The following UBR3 variants were observed in gnomAD, a reference collection of about 807,000 sequenced individuals.
UBR3 encodes the protein E3 ubiquitin-protein ligase UBR3.
Under a neutral mutation model 243.2 loss-of-function variants are expected in UBR3, and 85 were observed. The ratio of observed to expected loss-of-function variants is 0.35; its 90% confidence interval spans 0.29 to 0.42. UBR3 has a LOEUF of 0.42. UBR3 is among the 10% of genes least tolerant of loss of function. The pLI is 1.00. For synonymous variants in UBR3, 748 were observed against 799.8 expected, an observed-to-expected ratio of 0.94 and a Z score of 1.09; for missense variants, 1,686 against 2,300.8, an observed-to-expected ratio of 0.73 and a Z score of 5.47.
chr2:169,984,866 T>C (rs1350287803), intron 24 of UBR3, among the ~76,000 whole-genome samples: 1 of 152,190 alleles, frequency 6.6e-6, no homozygotes, highest in Non-Finnish European at 1.5e-5. Context: ...ACCTATTTTA[T>C]TTTCATGCCA....
intron 1 of UBR3, among the ~76,000 whole-genome samples, chr2:169,834,837 A>G (rs927382404): frequency 1.3e-5 from 2 of 152,264 alleles, no homozygotes; most frequent in African/African-American, 4.8e-5. Context: ...CTTAAAAAGT[A>G]ATAAAATTCT....
chr2:170,078,521 A>G (rs1206059755), intron 36 of UBR3, among the ~76,000 whole-genome samples: 1 of 152,242 alleles, frequency 6.6e-6, no homozygotes, highest in Non-Finnish European at 1.5e-5. Context: ...TTTAGAGCAT[A>G]CACATTCTGT....
intron 2 of UBR3, among the ~76,000 whole-genome samples, chr2:169,875,327 C>A (rs1222320247): frequency 6.6e-6 from 1 of 151,976 alleles, no homozygotes; most frequent in Non-Finnish European, 1.5e-5. Flanking sequence ...TCAAATGCTG[C>A]TGCTTCTTTT....
At chr2:169,890,550 T>TATAC (rs2084306419) in intron 5 of UBR3, among the ~76,000 whole-genome samples, 3 of 23,402 alleles carry the variant, frequency 1.3e-4, no homozygotes, top group Non-Finnish European at 4.7e-4. Context: ...GATATATATA[T>TATAC]ATATATATAT....
intron 1 of UBR3, among the ~76,000 whole-genome samples, chr2:169,870,473 T>C (rs1214625464): frequency 6.6e-6 from 1 of 151,950 alleles, no homozygotes; most frequent in African/African-American, 2.4e-5. Flanking sequence ...GAATTTTAAT[T>C]AAAATAATTT....
chr2:170,052,389 C>T (rs1473529453), intron 32 of UBR3, among the ~76,000 whole-genome samples: 2 of 152,164 alleles, frequency 1.3e-5, no homozygotes, highest in African/African-American at 4.8e-5. Flanking sequence ...AAAGAGACAT[C>T]TGCACTCCAC....
At chr2:170,027,769 C>T (rs1006246470) in intron 30 of UBR3, among the ~76,000 whole-genome samples, 1 of 151,816 alleles carries the variant, frequency 6.6e-6, no homozygotes, top group Non-Finnish European at 1.5e-5. Context: ...AAATTATATG[C>T]TTAGTAGTCT....
At chr2:170,047,631 G>T (rs536010345) in intron 32 of UBR3, among the ~76,000 whole-genome samples, 4 of 152,186 alleles carry the variant, frequency 2.6e-5, no homozygotes, top group African/African-American at 9.7e-5. Flanking sequence ...GAAGCCATAC[G>T]TGATGTACAG....
In UBR3 at chr2:169,904,147, G is replaced by A. The variant is rs2084928924; in HGVS notation, c.1466-967G>A. Among the ~76,000 whole-genome samples, 3 of 151,774 alleles carry A rather than the reference G, an allele frequency of 2.0e-5. No homozygotes were observed. The South Asian group carries it at 6.2e-4, about 32-fold the overall frequency. On this transcript the variant is annotated intron_variant, in intron 8 of 38. Coordinates refer to ENST00000272793, the MANE Select transcript of UBR3 (RefSeq NM_172070.4). ...TTTTTAGCTTTTTTTCCTGGCACTT[G>A]TTTTTATTTTATTGTCTCTCAAAAG...
intron 29 of UBR3, 153 bp from the exon 30 acceptor site, chr2:170,015,128 T>C: frequency 1.8e-6 from 1 of 555,186 alleles, no homozygotes; most frequent in Non-Finnish European, 3.2e-6. Flanking sequence ...AAATATCAGA[T>C]AAATATGATT....
intron 31 of UBR3, among the ~76,000 whole-genome samples, chr2:170,030,094 A>G (rs1467841425): frequency 2.0e-5 from 3 of 152,074 alleles, no homozygotes; most frequent in South Asian, 2.1e-4. Flanking sequence ...GATTTTATAT[A>G]TATTTGATGT....
intron 1 of UBR3, among the ~76,000 whole-genome samples, chr2:169,848,902 AACAC>A (rs922051303): frequency 6.6e-6 from 1 of 152,132 alleles, no homozygotes; most frequent in African/African-American, 2.4e-5. Context: ...AGAAAAGACA[AACAC>A]ACACAATCCC....
At chr2:169,861,616 AAAAAAGAAAAG>A (rs2083094779) in intron 1 of UBR3, among the ~76,000 whole-genome samples, 2 of 151,258 alleles carry the variant, frequency 1.3e-5, no homozygotes, top group African/African-American at 4.8e-5. Context: ...CAAAAAAAAA[AAAAAAGAAAAG>A]AAAAAGAAAA....
chr2:170,053,031 AG>A (rs768148339), intron 32 of UBR3, among the ~76,000 whole-genome samples: 2 of 152,188 alleles, frequency 1.3e-5, no homozygotes, highest in Non-Finnish European at 2.9e-5. Context: ...GGCTGGAATA[AG>A]GAAAGTAGAT....
rs1553504593 is a variant in UBR3, at chr2:169,890,583, A to ATATATATATGTATATATATATATATG, written c.1039-563_1039-562insATATATGTATATATATGTATATATAT. Among the ~76,000 whole-genome samples, 20 of 94,110 alleles carry ATATATATATGTATATATATATATATG rather than the reference A, an allele frequency of 2.1e-4. 1 individual carries two copies. The highest frequency in any genetic ancestry group is 8.8e-4 in the African/African-American group (20 of 22,736). The allele number at this position is 94,110 out of a possible 152,430, so 61.7% of individuals were successfully genotyped here. A position where few individuals can be genotyped will look rare whatever the true frequency, so the allele number is the denominator to read the frequency against. Reference sequence around the variant, plus strand: ...TATATATGTGTATATATATATATGTATATATATATGTATATATATGTATAT... The same window carrying ATATATATATGTATATATATATATATG: ...TATATATGTGTATATATATATATGTATATATATATGTATATATATATATATGTATATATATGTATATATATGTATAT... On this transcript the variant is annotated intron_variant, in intron 5 of 38. Transcript: ENST00000272793.
intron 32 of UBR3, among the ~76,000 whole-genome samples, chr2:170,042,951 TTCA>T (rs1247278113): frequency 1.1e-4 from 16 of 152,100 alleles, no homozygotes; most frequent in Admixed American, 5.2e-4. Context: ...TAAAATTAGT[TTCA>T]AATTCTTTAG....
intron 29 of UBR3, chr2:170,013,847 C>T: frequency 2.2e-6 from 1 of 461,036 alleles, no homozygotes; most frequent in South Asian, 1.6e-5. Flanking sequence ...ACAGATTAGG[C>T]AACAGAAGAT....
chr2:170,056,072 A>C (rs1443240349), intron 33 of UBR3, among the ~76,000 whole-genome samples: 1 of 137,570 alleles, frequency 7.3e-6, no homozygotes, highest in African/African-American at 2.7e-5. Context: ...CAGTGGTACA[A>C]TCTCAGCTCA....
At chr2:170,078,077 G>A (rs923297735) in intron 36 of UBR3, 2 of 658,888 alleles carry the variant, frequency 3.0e-6, no homozygotes, top group Admixed American at 2.1e-5. Flanking sequence ...CTTTTGTCTG[G>A]TGTTTCTCTT....
Sources: allele counts gnomAD v4.1 joint callset (sites outside exome capture counted in the v4.1 genomes callset), GRCh38; gene constraint gnomAD v4.1.1; transcripts MANE v1.5; gene names NCBI Gene and HGNC (gene_info 2026-07-23, HGNC 2026-07-21).